Variants in ITCH observed in about 807,000 individuals in gnomAD.
The protein encoded by ITCH is itchy E3 ubiquitin protein ligase, also known as E3 ubiquitin-protein ligase Itchy homolog.
In ITCH, 28 loss-of-function variants were observed where a neutral mutation model predicts 126.8. The observed-to-expected ratio is 0.22, with a 90% CI of 0.16 to 0.30. ITCH has a LOEUF of 0.30. Ranked by LOEUF, ITCH falls within the 10% of genes least tolerant of loss-of-function variation. The pLI is 1.00. For synonymous variants in ITCH, 342 were observed against 340.0 expected (o/e 1.01, Z -0.06); for missense variants, 631 against 1,032.4 (o/e 0.61, Z 5.33).
intron 12 of ITCH, among the ~76,000 whole-genome samples, chr20:34,456,889 A>G (rs1427106591): frequency 5.3e-5 from 8 of 151,464 alleles, no homozygotes; most frequent in African/African-American, 1.5e-4. Flanking sequence ...GCACCTTACT[A>G]TATTTTAATG....
intron 4 of ITCH, among the ~76,000 whole-genome samples, chr20:34,412,305 T>A (rs1039113891): frequency 2.0e-5 from 3 of 152,220 alleles, no homozygotes; most frequent in African/African-American, 7.2e-5. Context: ...ACTTCTGTAG[T>A]TCAACTGCAA....
chr20:34,446,760 A>G (rs554231007), intron 11 of ITCH, among the ~76,000 whole-genome samples: 1 of 152,128 alleles, frequency 6.6e-6, no homozygotes, highest in Non-Finnish European at 1.5e-5. Context: ...TAGTTTCCAC[A>G]TGGGTGTTCA....
intron 7 of ITCH, among the ~76,000 whole-genome samples, chr20:34,429,198 C>A (rs1981957337): frequency 6.6e-6 from 1 of 152,236 alleles, no homozygotes; most frequent in South Asian, 2.1e-4. Context: ...CTCGGACCTC[C>A]CAAAGTGCTG....
chr20:34,415,595 G>A (rs1487841214), intron 6 of ITCH, among the ~76,000 whole-genome samples: 1 of 151,998 alleles, frequency 6.6e-6, no homozygotes, highest in Non-Finnish European at 1.5e-5. Context: ...ATGTCTTCCA[G>A]ATTAGTTCTC....
intron 2 of ITCH, among the ~76,000 whole-genome samples, chr20:34,391,868 A>G (rs895995355): frequency 3.9e-5 from 6 of 152,128 alleles, no homozygotes; most frequent in Non-Finnish European, 7.4e-5. Flanking sequence ...TTTTGTAGAG[A>G]TTTAAAATTT....
Position 34,480,679 on chromosome 20 carries a change from C to G in ITCH, c.1899C>G (p.Leu633=), listed in dbSNP as rs775160807. 4 of 1,611,948 alleles carry G rather than the reference C, an allele frequency of 2.5e-6. No homozygotes were observed. The East Asian group carries it at 8.9e-5, about 36-fold the overall frequency. Residue 633 remains leucine, a synonymous_variant, in exon 19 of 25, where the codon CTC becomes CTG. Transcript: ENST00000374864. ...GTATCTTGAACAAACCAGTTGGACT[C>G]AAGGATTTAGAATCTATTGATCCAG... ...YKRILNKPVG[L]KDLESIDPEF... is the part of the protein sequence containing the mutation.
intron 23 of ITCH, among the ~76,000 whole-genome samples, chr20:34,501,607 C>T (rs1990248999): frequency 6.6e-6 from 1 of 152,036 alleles, no homozygotes; most frequent in Non-Finnish European, 1.5e-5. Context: ...GAAACCGTAT[C>T]TCTACTGAAA....
rs1171765663 is a variant in ITCH at position 34,364,724 on chromosome 20, C to CAAAAA, written c.-99+1390_-99+1394dup. On this transcript the variant is annotated intron_variant, in intron 1 of 24. Coordinates refer to ENST00000374864, the MANE Select transcript of ITCH (RefSeq NM_031483.7). ...TGAAACCCCGTCTCTACTAAAAATA[C>CAAAAA]AAAAAAAAAAAAAAAAAAATCCTGG... Among the ~76,000 whole-genome samples, 26 of 45,568 alleles carry CAAAAA rather than the reference C, an allele frequency of 5.7e-4. 1 individual carries two copies. Among genetic ancestry groups the CAAAAA allele is most frequent in the African/African-American group, 2.1e-3 (18 of 8,430 alleles). The allele number at this position is 45,568 out of a possible 152,430, so 29.9% of individuals were successfully genotyped here.
At chr20:34,472,372 TAAAAA>T (rs527802058) in intron 16 of ITCH, among the ~76,000 whole-genome samples, 2 of 79,690 alleles carry the variant, frequency 2.5e-5, no homozygotes, top group African/African-American at 4.4e-5. Context: ...CATCTCAATT[TAAAAA>T]AAAAAAAAAA....
At position 34,394,094 on chromosome 20, in the gene ITCH, C is replaced by CCCAG. The variant is rs1235519004; in HGVS notation, c.70+215_70+218dup. 2.0e-5 allele frequency among the ~76,000 whole-genome samples: 3 copies of CCCAG among 151,726 alleles called. No homozygotes were observed. In the East Asian group the frequency reaches 5.8e-4, roughly 29 times the overall value. On this transcript the variant is annotated intron_variant, in intron 3 of 24. Coordinates refer to ENST00000374864, the MANE Select transcript of ITCH (RefSeq NM_031483.7). ...GGGCATGGTGGTGCACACCTGCTGT[C>CCCAG]CCAGCTACTCCGGAGGCTGAGGCGT... is the stretch of plus-strand genomic sequence containing the variant.
chr20:34,388,444 GC>G (rs2038368603), intron 2 of ITCH, among the ~76,000 whole-genome samples: 1 of 151,832 alleles, frequency 6.6e-6, no homozygotes, highest in South Asian at 2.1e-4. Context: ...GATTGCAGTG[GC>G]CTTATCACAG....
chr20:34,442,148 G>T, intron 9 of ITCH, 60 bp from the exon 10 acceptor site: 1 of 1,215,730 alleles, frequency 8.2e-7, no homozygotes, highest in South Asian at 1.2e-5. Context: ...GCAAAGACAG[G>T]ATTAAAAAGC....
chr20:34,398,046 C>T (rs959039930), intron 3 of ITCH, among the ~76,000 whole-genome samples: 12 of 149,338 alleles, frequency 8.0e-5, no homozygotes, highest in African/African-American at 4.9e-5. Flanking sequence ...CTCAAAAAGT[C>T]GTAATCCATA....
At chr20:34,482,672 T>C (rs1368226976) in intron 20 of ITCH, among the ~76,000 whole-genome samples, 7 of 152,212 alleles carry the variant, frequency 4.6e-5, no homozygotes, top group African/African-American at 1.7e-4. Context: ...GTTGAGTGTC[T>C]ATGGCTTTTC....
intron 2 of ITCH, among the ~76,000 whole-genome samples, chr20:34,372,078 G>T (rs545210317): frequency 6.6e-6 from 1 of 151,880 alleles, no homozygotes; most frequent in South Asian, 2.1e-4. Context: ...AGGCTGAGGC[G>T]GGCGGATCAC....
At chr20:34,420,344 G>T (rs1601858186) in intron 6 of ITCH, among the ~76,000 whole-genome samples, 2 of 152,132 alleles carry the variant, frequency 1.3e-5, no homozygotes, top group East Asian at 3.8e-4. Flanking sequence ...GACTTTTTTT[G>T]TTTGGATTCT....
At chr20:34,374,288 A>T (rs891327979) in intron 2 of ITCH, among the ~76,000 whole-genome samples, 1 of 152,142 alleles carries the variant, frequency 6.6e-6, no homozygotes, top group African/African-American at 2.4e-5. Flanking sequence ...TTTAGTCTAA[A>T]GGATTATATT....
intron 14 of ITCH, chr20:34,466,236 T>G: frequency 2.6e-6 from 1 of 386,662 alleles, no homozygotes. Flanking sequence ...TTTCATAGGT[T>G]GAACCTTTTT....
chr20:34,470,219 T>C, intron 15 of ITCH, 99 bp downstream of exon 15: 1 of 922,868 alleles, frequency 1.1e-6, no homozygotes, highest in Non-Finnish European at 1.8e-6. Context: ...GAAAAACAGG[T>C]AAAATGGGAA....
Sources: gnomAD v4.1 joint callset for allele counts (sites outside exome capture counted in the v4.1 genomes callset) on GRCh38, gnomAD v4.1.1 for gene constraint, MANE v1.5 for transcripts, NCBI Gene and HGNC (gene_info 2026-07-23, HGNC 2026-07-21) for gene names.